The following ABCG1 variants were observed in gnomAD, a reference collection of about 807,000 sequenced individuals.
ABCG1 encodes the protein ATP binding cassette subfamily G member 1.
Under a neutral mutation model 69.2 loss-of-function variants are expected in ABCG1, and 29 were observed. The ratio of observed to expected loss-of-function variants is 0.42; its 90% CI spans 0.31 to 0.57. The LOEUF (loss-of-function observed/expected upper bound fraction) is 0.57. ABCG1 is among the 20% of genes least tolerant of loss of function. ABCG1 has a pLI of 0.15. For missense variants in ABCG1, 718 were observed against 898.1 expected (o/e 0.80, Z 2.56); for synonymous variants, 370 against 374.8 (o/e 0.99, Z 0.15).
chr21:42,233,574 A>G (rs1355136339), intron 2 of ABCG1, among the ~76,000 whole-genome samples: 1 of 152,264 alleles, frequency 6.6e-6, no homozygotes, highest in Non-Finnish European at 1.5e-5. Flanking sequence ...CCGTAGACCA[A>G]GTTAATCTTG....
chr21:42,204,388 A>T (rs2067528033), intron 2 of ABCG1, among the ~76,000 whole-genome samples: 1 of 152,178 alleles, frequency 6.6e-6, no homozygotes, highest in Admixed American at 6.5e-5. Flanking sequence ...AGATTTCTTG[A>T]TGCTGTTTAT....
intron 2 of ABCG1, among the ~76,000 whole-genome samples, chr21:42,232,720 C>T (rs2067918636): frequency 6.6e-6 from 1 of 152,206 alleles, no homozygotes; most frequent in African/African-American, 2.4e-5. Flanking sequence ...GAAAAGTTCA[C>T]GTTCTCAAAT....
intron 6 of ABCG1, among the ~76,000 whole-genome samples, chr21:42,283,676 A>G (rs1393812569): frequency 1.7e-5 from 2 of 114,532 alleles, no homozygotes; most frequent in African/African-American, 6.7e-5. Flanking sequence ...ATGAGTGGGG[A>G]ACCCCCACCT....
rs537785387 is a variant in ABCG1 at position 42,284,694 on chromosome 21, C to T, written c.858+11C>T. Reference sequence around the variant, plus strand: ...GAGCTGTTCGACCAGGTACGCGGGCCCCGGGCCCTCCCCGCCAGATTACCA... The same window carrying T: ...GAGCTGTTCGACCAGGTACGCGGGCTCCGGGCCCTCCCCGCCAGATTACCA... On this transcript the variant is annotated intron_variant, in intron 7 of 14. Coordinates refer to ENST00000398449, the MANE Select transcript of ABCG1 (RefSeq NM_016818.3). 2 of 1,611,422 alleles carry T rather than the reference C, an allele frequency of 1.2e-6. No homozygotes were observed. The highest frequency in any genetic ancestry group is 1.7e-6 in the Non-Finnish European group (2 of 1,179,822).
chr21:42,288,286 A>G lies in ABCG1; in HGVS notation c.1198A>G (p.Thr400Ala). Reference protein sequence around the residue: ...LTQFCILFKRTFLSIMRDSVL... With the variant: ...LTQFCILFKRAFLSIMRDSVL... ...GCAGTTCTGCATCCTCTTCAAGAGG[A>G]CCTTCCTCAGCATCATGAGGGACTC... Residue 400 changes from threonine to alanine, a missense_variant, in exon 10 of 15, where the codon ACC becomes GCC. Transcript: ENST00000398449. This position sits in a 1 kb window ranked among gnomAD's most constrained non-coding sequence, Gnocchi z 4.8. 6.2e-7 allele frequency: 1 copy of G among 1,612,388 alleles called. No individual in the cohort carries two copies. The highest frequency in any genetic ancestry group is 8.5e-7 in the Non-Finnish European group (1 of 1,178,686).
chr21:42,217,487 G>A (rs35282280), upstream of ABCG1, among the ~76,000 whole-genome samples: 1,405 of 151,994 alleles, frequency 9.2e-3, 22 homozygotes, highest in African/African-American at 0.032. Context: ...GTGTTTTGGC[G>A]TAAACACTCC....
chr21:42,234,846 C>G (rs1290672959), intron 2 of ABCG1, among the ~76,000 whole-genome samples: 1 of 151,248 alleles, frequency 6.6e-6, no homozygotes, highest in African/African-American at 2.4e-5. Context: ...CGCTGCCGCG[C>G]GTGTGCAGCG....
At chr21:42,227,120 G>A (rs1453091889) in intron 2 of ABCG1, among the ~76,000 whole-genome samples, 2 of 152,192 alleles carry the variant, frequency 1.3e-5, no homozygotes, top group African/African-American at 2.4e-5. Context: ...CCCAGTTGGT[G>A]GCTGGGTAAC....
Position 42,291,814 on chromosome 21 carries a change from C to G in ABCG1, c.1653+158C>G, listed in dbSNP as rs535187505. Among the ~76,000 whole-genome samples the G allele has an allele frequency of 6.6e-6, 1 of 152,320 alleles. No individual in the cohort carries two copies. Among genetic ancestry groups the G allele is most frequent in the South Asian group, 2.1e-4 (1 of 4,830 alleles). Reference sequence around the variant, plus strand: ...GGGAAGGGCCCGCATTGTCGAGGGTCAGGATCAGCTGGCTTCCACAGTGCG... The same window carrying G: ...GGGAAGGGCCCGCATTGTCGAGGGTGAGGATCAGCTGGCTTCCACAGTGCG... On this transcript the variant is annotated intron_variant, in intron 13 of 14. Coordinates refer to ENST00000398449, the MANE Select transcript of ABCG1 (RefSeq NM_016818.3). The surrounding 1 kb of genome is among the most constrained non-coding windows in gnomAD (Gnocchi z 6.4).
chr21:42,295,330 C>CAAAAAAA, intron 14 of ABCG1: 1 of 53,718 alleles, frequency 1.9e-5, no homozygotes, highest in Non-Finnish European at 3.1e-5. Flanking sequence ...GACTCCGTCT[C>CAAAAAAA]AATAAAAAAA....
At chr21:42,265,088 C>G (rs1186112924) in intron 2 of ABCG1, among the ~76,000 whole-genome samples, 1 of 152,166 alleles carries the variant, frequency 6.6e-6, no homozygotes, top group Non-Finnish European at 1.5e-5. Flanking sequence ...CACCATCTTT[C>G]CGAGTGCACA....
At chr21:42,265,348 T>C (rs558268338) in intron 2 of ABCG1, among the ~76,000 whole-genome samples, 2 of 152,342 alleles carry the variant, frequency 1.3e-5, no homozygotes, top group South Asian at 4.1e-4. Flanking sequence ...GTGGCCTTAC[T>C]TGAAACAGAG....
In ABCG1 at chr21:42,293,196, C is replaced by T. The variant is rs542454824; in HGVS notation, c.1654-1346C>T. ...TACACACACACCACACTACACACTA[C>T]ACACCACACACTGCATACACACACT... On this transcript the variant is annotated intron_variant, in intron 13 of 14. Transcript: ENST00000398449. Among the ~76,000 whole-genome samples, 3 of 139,168 alleles carry T rather than the reference C, an allele frequency of 2.2e-5. No individual in the cohort carries two copies. In the East Asian group the frequency reaches 6.6e-4, roughly 31 times the overall value. The allele number at this position is 139,168 out of a possible 152,430, so 91.3% of individuals were successfully genotyped here. A position where few individuals can be genotyped will look rare whatever the true frequency, so the allele number is the denominator to read the frequency against.
chr21:42,237,268 C>A (rs545176096), intron 2 of ABCG1, among the ~76,000 whole-genome samples: 34 of 152,326 alleles, frequency 2.2e-4, no homozygotes, highest in Admixed American at 1.3e-3. Flanking sequence ...GCCAGCAGGG[C>A]TCTCTTGGAG....
At chr21:42,269,852 T>C (rs920685367) in intron 2 of ABCG1, among the ~76,000 whole-genome samples, 9 of 152,198 alleles carry the variant, frequency 5.9e-5, no homozygotes, top group Admixed American at 5.9e-4. Context: ...AACACGGGAC[T>C]GGGCCAAGGA....
At position 42,276,809 on chromosome 21, in the gene ABCG1, C is replaced by A; in HGVS notation, c.538-86C>A. On this transcript the variant is annotated intron_variant, in intron 4 of 14. Coordinates refer to ENST00000398449, the MANE Select transcript of ABCG1 (RefSeq NM_016818.3). This position sits in a 1 kb window ranked among gnomAD's most constrained non-coding sequence, Gnocchi z 5.3. ...TGGCTAGCTGCATCTTGGCTAGCTG[C>A]ACCGTGGCCTGCAGTGCGGGCATGA... 1 of 1,386,668 alleles carries A rather than the reference C, an allele frequency of 7.2e-7. No homozygotes were observed. The highest frequency in any genetic ancestry group is 1.0e-6 in the Non-Finnish European group (1 of 980,372). 85.9% of individuals were successfully genotyped at this position (1,386,668 alleles called of 1,614,324 possible).
intron 2 of ABCG1, among the ~76,000 whole-genome samples, chr21:42,258,044 A>ATCTGTTC (rs1569222667): frequency 1.6e-3 from 139 of 86,796 alleles, no homozygotes; most frequent in Admixed American, 2.8e-3. Context: ...CCATCCCTCC[A>ATCTGTTC]CTCATCCCTC....
intron 2 of ABCG1, among the ~76,000 whole-genome samples, chr21:42,263,035 TC>T (rs1170364026): frequency 2.6e-5 from 4 of 152,158 alleles, no homozygotes; most frequent in East Asian, 1.9e-4. Context: ...TGCTGCCGTG[TC>T]CCCCGACTCT....
chr21:42,268,052 G>C (rs2061798093), intron 2 of ABCG1, among the ~76,000 whole-genome samples: 2 of 152,170 alleles, frequency 1.3e-5, no homozygotes, highest in African/African-American at 4.8e-5. Flanking sequence ...ACTGAACCTG[G>C]GCATCCTGCA....
Sources: allele counts gnomAD v4.1 joint callset (sites outside exome capture counted in the v4.1 genomes callset), GRCh38; gene constraint gnomAD v4.1.1; non-coding constraint Gnocchi (gnomAD v3.1); transcripts MANE v1.5; gene names NCBI Gene and HGNC (gene_info 2026-07-23, HGNC 2026-07-21).